The following TRAPPC4 variants were observed in gnomAD, a reference collection of about 807,000 sequenced individuals.
TRAPPC4 encodes trafficking protein particle complex subunit 4, also known as TRS23 homolog.
Under a neutral mutation model 23.5 loss-of-function variants are expected in TRAPPC4, and 30 were observed. The ratio of observed to expected loss-of-function variants is 1.28; its 90% CI spans 0.96 to 1.73. The LOEUF (loss-of-function observed/expected upper bound fraction) is 1.73. Among genes scored for constraint, TRAPPC4 ranks in the 40% most tolerant of loss-of-function variants. The pLI, the probability that TRAPPC4 is intolerant of heterozygous loss-of-function variation, is 0.00. For synonymous variants in TRAPPC4, 129 were observed against 105.3 expected (o/e 1.23, Z -1.38); for missense variants, 252 against 268.9 (o/e 0.94, Z 0.44).
intron 3 of TRAPPC4, 50 bp from the exon 4 acceptor site, chr11:119,021,710 T>C (rs1436805008): frequency 6.2e-7 from 1 of 1,605,058 alleles, no homozygotes; most frequent in South Asian, 1.1e-5. Context: ...AGGATGACAC[T>C]ATTTGCTCCA....
intron 3 of TRAPPC4, 121 bp from the exon 4 acceptor site, chr11:119,021,639 G>A (rs1163187957): frequency 3.7e-6 from 4 of 1,095,414 alleles, no homozygotes; most frequent in Non-Finnish European, 5.2e-6. Flanking sequence ...GTGGTAAAAA[G>A]AATAAAATTA....
intron 3 of TRAPPC4, 173 bp downstream of exon 3, chr11:119,020,426 ATTCTT>A: frequency 1.8e-6 from 1 of 554,442 alleles, no homozygotes. Context: ...TCCTGGCACA[ATTCTT>A]TTTTTTTTTG....
chr11:119,022,590 A>C (rs1227365171), intron 4 of TRAPPC4, among the ~76,000 whole-genome samples: 1 of 151,704 alleles, frequency 6.6e-6, no homozygotes, highest in Admixed American at 6.6e-5. Context: ...CGTGTCTCTA[A>C]ATAAATAAGA....
chr11:119,022,661 G>A (rs1169901319), intron 4 of TRAPPC4, among the ~76,000 whole-genome samples: 2 of 152,096 alleles, frequency 1.3e-5, no homozygotes, highest in Non-Finnish European at 1.5e-5. Context: ...AGGCTGAGGC[G>A]GGCGGATCAC....
In TRAPPC4 at chr11:119,023,477, C is replaced by A; in HGVS notation, c.*78C>A. ...TGCTGTTGACACTCCAGTGGAAATC[C>A]CAGCAGCCTTGTTAGTGCACTTGAA... is the stretch of plus-strand genomic sequence containing the variant. On this transcript the variant is annotated 3_prime_UTR_variant, in exon 5 of 5. Coordinates refer to ENST00000533632, the MANE Select transcript of TRAPPC4 (RefSeq NM_016146.6). 1 of 1,414,604 alleles carries A rather than the reference C, an allele frequency of 7.1e-7. No homozygotes were observed. Among genetic ancestry groups the A allele is most frequent in the South Asian group, 1.2e-5 (1 of 86,424 alleles). 87.6% of individuals were successfully genotyped at this position (1,414,604 alleles called of 1,614,324 possible). A position where few individuals can be genotyped will look rare whatever the true frequency, so the allele number is the denominator to read the frequency against.
intron 3 of TRAPPC4, 88 bp from the exon 4 acceptor site, chr11:119,021,672 T>G (rs1323694191): frequency 6.8e-7 from 1 of 1,460,766 alleles, no homozygotes; most frequent in African/African-American, 1.4e-5. Context: ...GAAAGTGTTT[T>G]GCAAAATTGA....
Position 119,023,405 on chromosome 11 carries a change from A to G in TRAPPC4, c.*6A>G. 3 of 1,613,756 alleles carry G rather than the reference A, an allele frequency of 1.9e-6. No homozygotes were observed. The highest frequency in any genetic ancestry group is 2.5e-6 in the Non-Finnish European group (3 of 1,179,702). ...CTTTTGGACCTGGGTCATAGGCTGA[A>G]CCTGTTATGGACCCCCAAATTCTGA... is the stretch of plus-strand genomic sequence containing the variant. On this transcript the variant is annotated 3_prime_UTR_variant, in exon 5 of 5. Coordinates refer to ENST00000533632, the MANE Select transcript of TRAPPC4 (RefSeq NM_016146.6).
intron 2 of TRAPPC4, 63 bp from the exon 3 acceptor site, chr11:119,020,087 C>A: frequency 1.7e-6 from 2 of 1,194,736 alleles, no homozygotes; most frequent in Non-Finnish European, 1.2e-6. Flanking sequence ...CAAATAGGGA[C>A]ACTTCAGTGG....
chr11:119,019,379 G>C, intron 2 of TRAPPC4, 62 bp downstream of exon 2: 2 of 1,537,508 alleles, frequency 1.3e-6, no homozygotes, highest in Non-Finnish European at 1.8e-6. Flanking sequence ...TTAAATCGTC[G>C]TTCTGGTGTT....
Position 119,023,597 on chromosome 11 carries a change from C to A in TRAPPC4, c.*198C>A. On this transcript the variant is annotated 3_prime_UTR_variant, in exon 5 of 5. Transcript: ENST00000533632. ...TATATACCATGGTCTTACTTTCCAACTCTGTACAGATTTATTTATGGAGGA... is the reference window on the plus strand; with the variant it reads ...TATATACCATGGTCTTACTTTCCAAATCTGTACAGATTTATTTATGGAGGA... The A allele has an allele frequency of 2.1e-6, 1 of 482,600 alleles. No homozygotes were observed. The allele number at this position is 482,600 out of a possible 1,614,324, so 29.9% of individuals were successfully genotyped here.
At chr11:119,021,196 C>G (rs1390232181) in intron 3 of TRAPPC4, 2 of 152,480 alleles carry the variant, frequency 1.3e-5, no homozygotes, top group Non-Finnish European at 2.9e-5. Context: ...GCCTTCCTGG[C>G]ACAATTTTAT....
At position 119,021,891 on chromosome 11, in the gene TRAPPC4, G is replaced by A. The variant is rs1943367861; in HGVS notation, c.581+5G>A. On this transcript the variant is annotated splice_donor_5th_base_variant and intron_variant, in intron 4 of 4. Coordinates refer to ENST00000533632, the MANE Select transcript of TRAPPC4 (RefSeq NM_016146.6). ...TTCCTTAGAAATGCCTATCAGGTAA[G>A]TGGCCCCACTTCCCAGATACTGTTT... The A allele has an allele frequency of 3.7e-6, 6 of 1,613,946 alleles. No individual in the cohort carries two copies. The East Asian group carries it at 1.1e-4, about 30-fold the overall frequency.
Position 119,020,564 on chromosome 11 carries a change from G to A in TRAPPC4, c.454+311G>A, listed in dbSNP as rs1245678052. 4 of 242,070 alleles carry A rather than the reference G, an allele frequency of 1.7e-5. No individual in the cohort carries two copies. The South Asian group carries it at 2.1e-4, about 13-fold the overall frequency. The allele number at this position is 242,070 out of a possible 1,614,324, so 15.0% of individuals were successfully genotyped here. ...ATTACAGGCATGTGTCACCACACCC[G>A]GCTAATTTTTCTGTTTTTATTAGAG... On this transcript the variant is annotated intron_variant, in intron 3 of 4. Coordinates refer to ENST00000533632, the MANE Select transcript of TRAPPC4 (RefSeq NM_016146.6).
In TRAPPC4 at chr11:119,018,905, A is replaced by C; in HGVS notation, c.110A>C (p.Asp37Ala). 6.2e-7 allele frequency: 1 copy of C among 1,614,022 alleles called. No homozygotes were observed. Among genetic ancestry groups the C allele is most frequent in the Non-Finnish European group, 8.5e-7 (1 of 1,180,026 alleles). Residue 37 changes from aspartate (D) to alanine (A), a missense_variant, in exon 1 of 5, where the codon GAT (aspartate) becomes GCT (alanine). Asp to Ala is a moderately radical substitution (Grantham distance 126). Coordinates refer to ENST00000533632, the MANE Select transcript of TRAPPC4 (RefSeq NM_016146.6). Reference sequence around the variant, plus strand: ...GAGAAAACTTTCAGTTATCCGCTGGATCTGCTGCTCAAGCTACACGATGAG... The same window carrying C: ...GAGAAAACTTTCAGTTATCCGCTGGCTCTGCTGCTCAAGCTACACGATGAG... ...EAEKTFSYPLDLLLKLHDERV... is the reference protein window; with the variant it reads ...EAEKTFSYPLALLLKLHDERV...
intron 2 of TRAPPC4, 130 bp downstream of exon 2, chr11:119,019,447 C>CTT: frequency 9.5e-7 from 1 of 1,052,390 alleles, no homozygotes. Context: ...GTGGTGTCAT[C>CTT]TTTTTTTGCT....
chr11:119,021,906 A>G lies in TRAPPC4; in HGVS notation c.581+20A>G, dbSNP rs1943368268. 6.2e-7 allele frequency: 1 copy of G among 1,613,808 alleles called. No homozygotes were observed. Among genetic ancestry groups the G allele is most frequent in the South Asian group, 1.1e-5 (1 of 91,078 alleles). On this transcript the variant is annotated intron_variant, in intron 4 of 4. Transcript: ENST00000533632. ...TATCAGGTAAGTGGCCCCACTTCCC[A>G]GATACTGTTTAAAGCGTCCTTGCCC... is the stretch of plus-strand genomic sequence containing the variant.
intron 4 of TRAPPC4, among the ~76,000 whole-genome samples, chr11:119,022,355 C>T (rs555362785): frequency 7.3e-5 from 11 of 151,384 alleles, no homozygotes; most frequent in African/African-American, 1.2e-4. Flanking sequence ...CTTTGGAAGA[C>T]GGAGAGGGTA....
At position 119,023,470 on chromosome 11, in the gene TRAPPC4, G is replaced by A; in HGVS notation, c.*71G>A. ...AGAATACTGCTGTTGACACTCCAGTGGAAATCCCAGCAGCCTTGTTAGTGC... is the reference window on the plus strand; with the variant it reads ...AGAATACTGCTGTTGACACTCCAGTAGAAATCCCAGCAGCCTTGTTAGTGC... On this transcript the variant is annotated 3_prime_UTR_variant, in exon 5 of 5. Coordinates refer to ENST00000533632, the MANE Select transcript of TRAPPC4 (RefSeq NM_016146.6). 1 of 1,451,650 alleles carries A rather than the reference G, an allele frequency of 6.9e-7. No individual in the cohort carries two copies. The highest frequency in any genetic ancestry group is 9.7e-7 in the Non-Finnish European group (1 of 1,033,970). 89.9% of individuals were successfully genotyped at this position (1,451,650 alleles called of 1,614,324 possible).
At chr11:119,020,561 C>G (rs1174314651) in intron 3 of TRAPPC4, 5 of 249,540 alleles carry the variant, frequency 2.0e-5, no homozygotes, top group Non-Finnish European at 4.0e-5. Flanking sequence ...TGTCACCACA[C>G]CCGGCTAATT....
Sources: allele counts gnomAD v4.1 joint callset (sites outside exome capture counted in the v4.1 genomes callset), GRCh38; gene constraint gnomAD v4.1.1; transcripts MANE v1.5; gene names NCBI Gene and HGNC (gene_info 2026-07-23, HGNC 2026-07-21).